Variants in PJA2 observed in about 807,000 individuals in gnomAD.
PJA2 encodes the protein E3 ubiquitin-protein ligase Praja-2.
In PJA2, 25 loss-of-function variants were observed where a neutral mutation model predicts 69.3. The observed-to-expected ratio is 0.36, with a 90% confidence interval of 0.26 to 0.50. The LOEUF (loss-of-function observed/expected upper bound fraction) is 0.50. PJA2 is among the 20% of genes least tolerant of loss of function. The pLI is 0.96. For missense variants in PJA2, 809 were observed against 830.2 expected, an observed-to-expected ratio of 0.97 and a Z score of 0.31; for synonymous variants, 308 against 277.8, an observed-to-expected ratio of 1.11 and a Z score of -1.08.
chr5:109,344,529 T>C (rs923423086), intron 8 of PJA2, among the ~76,000 whole-genome samples, 176 bp downstream of exon 8: 1 of 152,246 alleles, frequency 6.6e-6, no homozygotes, highest in Non-Finnish European at 1.5e-5. Context: ...TCTCAGCCTA[T>C]CGCTTGAAAA....
chr5:109,352,788 C>G (rs1469841771), intron 7 of PJA2, among the ~76,000 whole-genome samples: 3 of 151,024 alleles, frequency 2.0e-5, no homozygotes, highest in Non-Finnish European at 3.0e-5. Flanking sequence ...CTATAGATAT[C>G]TATATTAGAT....
chr5:109,409,039 G>A (rs1046360595), intron 1 of PJA2: 2 of 151,962 alleles, frequency 1.3e-5, no homozygotes, highest in African/African-American at 4.8e-5. Flanking sequence ...GGAACTCTCA[G>A]ATTACTCTCC....
chr5:109,342,326 TGG>T (rs1422246636), intron 9 of PJA2, among the ~76,000 whole-genome samples: 124 of 45,018 alleles, frequency 2.8e-3, no homozygotes, highest in Middle Eastern at 0.021. Flanking sequence ...GGGAGGGAGG[TGG>T]GGGGATCGGC....
chr5:109,342,434 G>A (rs1762087250), intron 9 of PJA2, among the ~76,000 whole-genome samples: 4 of 134,680 alleles, frequency 3.0e-5, no homozygotes, highest in African/African-American at 5.7e-5. Flanking sequence ...TGGGGATGTC[G>A]GCCCCCCGCC....
At chr5:109,354,679 A>T (rs1407071045) in intron 7 of PJA2, among the ~76,000 whole-genome samples, 1 of 147,290 alleles carries the variant, frequency 6.8e-6, no homozygotes, top group Non-Finnish European at 1.5e-5. Context: ...AATATATTAG[A>T]GATCATTTAA....
At chr5:109,406,408 T>C (rs756125926) in intron 1 of PJA2, among the ~76,000 whole-genome samples, 2 of 152,190 alleles carry the variant, frequency 1.3e-5, no homozygotes. Context: ...AAGGAAGACA[T>C]ACACTAGAGC....
intron 1 of PJA2, among the ~76,000 whole-genome samples, chr5:109,400,718 A>G (rs1049987728): frequency 1.6e-4 from 25 of 152,126 alleles, no homozygotes; most frequent in Admixed American, 7.2e-4. Flanking sequence ...GGTGGCTCAC[A>G]CCTGTAATTC....
rs865837752 is a variant in PJA2 at position 109,378,570 on chromosome 5, T to C, written c.917A>G (p.His306Arg). ...EQNTNDREKNHGSSPEQVVRP... is the reference protein window; with the variant it reads ...EQNTNDREKNRGSSPEQVVRP... ...CACTACCTGTTCAGGAGAACTTCCA[T>C]GGTTCTTTTCCCTATCATTGGTATT... is the stretch of plus-strand genomic sequence containing the variant. The change falls in exon 4 of 10, where the codon CAT becomes CGT. Residue 306 changes from histidine to arginine, a missense_variant. This residue lies in a region of PJA2 where 700 missense variants were observed against 639.5 expected (regional missense o/e 1.09). Transcript: ENST00000361189. The C allele has an allele frequency of 3.1e-6, 5 of 1,614,052 alleles. No individual in the cohort carries two copies. The highest frequency in any genetic ancestry group is 4.2e-6 in the Non-Finnish European group (5 of 1,180,014).
At chr5:109,405,896 A>G (rs1004158496) in intron 1 of PJA2, among the ~76,000 whole-genome samples, 3 of 150,980 alleles carry the variant, frequency 2.0e-5, no homozygotes, top group Non-Finnish European at 1.5e-5. Context: ...ATCAAAATTA[A>G]AAGCTCTTCT....
At chr5:109,399,367 A>G (rs751091822) in intron 1 of PJA2, among the ~76,000 whole-genome samples, 8 of 152,206 alleles carry the variant, frequency 5.3e-5, no homozygotes, top group Non-Finnish European at 1.0e-4. Flanking sequence ...TCTCCAGGCT[A>G]GTCAGCATCA....
chr5:109,362,810 T>G, intron 6 of PJA2, 30 bp downstream of exon 6: 1 of 1,538,974 alleles, frequency 6.5e-7, no homozygotes, highest in Non-Finnish European at 8.8e-7. Flanking sequence ...AGAGCCTAAT[T>G]AAGCATCCTA....
chr5:109,348,069 A>G (rs1210157089), intron 7 of PJA2, among the ~76,000 whole-genome samples: 1 of 152,192 alleles, frequency 6.6e-6, no homozygotes, highest in African/African-American at 2.4e-5. Flanking sequence ...ATTAATCCAT[A>G]GTCTGTAGTG....
At chr5:109,374,377 T>C (rs943909124) in intron 4 of PJA2, among the ~76,000 whole-genome samples, 11 of 152,234 alleles carry the variant, frequency 7.2e-5, no homozygotes, top group African/African-American at 2.7e-4. Flanking sequence ...CATATAGATG[T>C]TTTATTTGTT....
intron 6 of PJA2, among the ~76,000 whole-genome samples, chr5:109,358,836 C>G (rs1375676349): frequency 6.6e-6 from 1 of 151,962 alleles, no homozygotes; most frequent in Non-Finnish European, 1.5e-5. Context: ...AAACATAAAA[C>G]AAAAAACAAA....
At chr5:109,347,201 T>C (rs556973382) in intron 7 of PJA2, among the ~76,000 whole-genome samples, 18 of 152,370 alleles carry the variant, frequency 1.2e-4, no homozygotes, top group African/African-American at 3.8e-4. Flanking sequence ...GTTCCAGTAA[T>C]TGAATTATTG....
chr5:109,382,709 G>A (rs1008541930), intron 2 of PJA2, among the ~76,000 whole-genome samples: 2 of 152,058 alleles, frequency 1.3e-5, no homozygotes, highest in Non-Finnish European at 2.9e-5. Context: ...TTAGCCAGAC[G>A]TGGTGGCACA....
At chr5:109,378,148 G>C in intron 4 of PJA2, 56 bp downstream of exon 4, 1 of 1,308,212 alleles carries the variant, frequency 7.6e-7, no homozygotes, top group South Asian at 1.4e-5. Context: ...CATGGTTCTA[G>C]AAAGAAACCA....
intron 1 of PJA2, among the ~76,000 whole-genome samples, chr5:109,404,462 G>T (rs114217445): frequency 0.03 from 4,609 of 151,946 alleles, 90 homozygotes; most frequent in Middle Eastern, 0.048. Flanking sequence ...AGGTTGCAGC[G>T]AGCTGAGACT....
chr5:109,359,029 T>C (rs1035698542), intron 6 of PJA2, among the ~76,000 whole-genome samples: 13 of 152,210 alleles, frequency 8.5e-5, no homozygotes, highest in Middle Eastern at 6.8e-3. Flanking sequence ...CTCAGTTTTT[T>C]TTCCACCTCT....
Sources: allele counts gnomAD v4.1 joint callset (sites outside exome capture counted in the v4.1 genomes callset), GRCh38; gene constraint gnomAD v4.1.1; regional missense constraint gnomAD v4.1.1; transcripts MANE v1.5; gene names NCBI Gene and HGNC (gene_info 2026-07-23, HGNC 2026-07-21).